SYNE1: variants seen among roughly 807,000 people sequenced by gnomAD.
SYNE1 encodes the protein spectrin repeat containing nuclear envelope protein 1.
A neutral mutation model predicts 1,111.0 loss-of-function variants in SYNE1; 616 were observed. The observed-to-expected ratio is 0.55, with a 90% confidence interval of 0.52 to 0.59. The LOEUF is 0.59. SYNE1 is among the 20% of genes least tolerant of loss of function. SYNE1 has a pLI of 0.00. For synonymous variants in SYNE1, 3,855 were observed against 3,825.8 expected, an observed-to-expected ratio of 1.01 and a Z score of -0.28; for missense variants, 10,006 against 10,417.0, an observed-to-expected ratio of 0.96 and a Z score of 1.72.
chr6:152,336,438 A>T, intron 76 of SYNE1: 1 of 217,472 alleles, frequency 4.6e-6, no homozygotes, highest in Non-Finnish European at 9.3e-6. Flanking sequence ...TTTTCCGTGA[A>T]TGGGGCTGGA....
intron 95 of SYNE1, among the ~76,000 whole-genome samples, chr6:152,284,929 A>C (rs185057814): frequency 5.3e-5 from 8 of 152,180 alleles, no homozygotes. Context: ...ATGTCGTCAC[A>C]CTACTCATTT....
intron 63 of SYNE1, among the ~76,000 whole-genome samples, chr6:152,364,482 A>G (rs1486344503): frequency 1.3e-5 from 2 of 151,596 alleles, no homozygotes; most frequent in Admixed American, 6.6e-5. Flanking sequence ...TATGTTAGCA[A>G]CAACAACAAA....
At chr6:152,184,631 T>TACAG (rs1554508083) in intron 128 of SYNE1, among the ~76,000 whole-genome samples, 1 of 142,916 alleles carries the variant, frequency 7.0e-6, no homozygotes, top group East Asian at 2.0e-4. Flanking sequence ...TATACACATA[T>TACAG]ATAGATAGAT....
In SYNE1 at chr6:152,230,483, T is replaced by C; in HGVS notation, c.21195+64A>G. On this transcript the variant is annotated intron_variant, in intron 115 of 145. Transcript: ENST00000367255. Reference sequence around the variant, plus strand: ...TTTAACTTGCAACTCTCAAGGCCTATAAACATATTAGCATACGCTATGAAA... The same window carrying C: ...TTTAACTTGCAACTCTCAAGGCCTACAAACATATTAGCATACGCTATGAAA... 9.2e-6 allele frequency: 14 copies of C among 1,520,420 alleles called. No homozygotes were observed. In the South Asian group the frequency reaches 1.3e-4, roughly 15 times the overall value. 94.2% of individuals were successfully genotyped at this position (1,520,420 alleles called of 1,614,324 possible). A position where few individuals can be genotyped will look rare whatever the true frequency, so the allele number is the denominator to read the frequency against.
intron 3 of SYNE1, among the ~76,000 whole-genome samples, chr6:152,604,302 T>C (rs2128693436): frequency 6.6e-6 from 1 of 152,042 alleles, no homozygotes; most frequent in East Asian, 1.9e-4. Context: ...AATTAAGCTT[T>C]ATTTATTTAT....
Position 152,362,209 on chromosome 6 carries a change from C to T in SYNE1, c.10260G>A (p.Ala3420=), listed in dbSNP as rs145287138. The stretch of plus-strand genomic sequence containing the variant: ...GCATCGTTGTTTTATCCCGCAGCTC[C>T]GCATGCTGCCTTTCTGATTCATTCA... ...ANLNESERQH[A]ELRDKTTMLG... The change falls in exon 64 of 146, where the codon GCG becomes GCA. Residue 3420 remains alanine (A), a synonymous_variant. Coordinates refer to ENST00000367255, the MANE Select transcript of SYNE1 (RefSeq NM_182961.4). 91 of 1,614,082 alleles carry T rather than the reference C, an allele frequency of 5.6e-5. 2 individuals carry two copies. In the South Asian group the frequency reaches 8.5e-4, roughly 15 times the overall value.
At chr6:152,247,744 TATATATACAC>T (rs1216580728) in intron 105 of SYNE1, among the ~76,000 whole-genome samples, 4 of 99,072 alleles carry the variant, frequency 4.0e-5, no homozygotes, top group African/African-American at 1.0e-4. Flanking sequence ...TATATATATA[TATATATACAC>T]ACACACACAC....
In SYNE1 at chr6:152,385,739, G is replaced by C; in HGVS notation, c.8587C>G (p.Leu2863Val). ...CCAGACATATCTGACCACCGGTGAA[G>C]TTCTTCCTTTGCTGAATGGAGCCAA... ...TDWLHSAKEE[L>V]HRWSDMSGDS... The change falls in exon 55 of 146, where the codon CTT becomes GTT. Residue 2863 changes from leucine to valine, a missense_variant. This residue lies in a region of SYNE1 where 4,955 missense variants were observed against 5,017.2 expected (regional missense o/e 0.99). Coordinates refer to ENST00000367255, the MANE Select transcript of SYNE1 (RefSeq NM_182961.4). The C allele has an allele frequency of 6.2e-7, 1 of 1,614,092 alleles. No individual in the cohort carries two copies. Among genetic ancestry groups the C allele is most frequent in the Non-Finnish European group, 8.5e-7 (1 of 1,179,992 alleles).
chr6:152,576,110 A>G (rs2099495491), intron 3 of SYNE1, among the ~76,000 whole-genome samples: 1 of 152,082 alleles, frequency 6.6e-6, no homozygotes, highest in South Asian at 2.1e-4. Flanking sequence ...ATAAGTACCA[A>G]CCCATCTTTC....
intron 130 of SYNE1, chr6:152,167,709 G>C (rs747457748): frequency 3.8e-6 from 2 of 522,378 alleles, no homozygotes; most frequent in Non-Finnish European, 7.9e-6. Flanking sequence ...CTACAAAGCT[G>C]TGAACCAGCT....
At chr6:152,164,383 T>C (rs983476370) in intron 130 of SYNE1, 58 bp from the exon 131 acceptor site, 26 of 1,599,352 alleles carry the variant, frequency 1.6e-5, no homozygotes, top group South Asian at 3.3e-5. Context: ...CATGTTTCTC[T>C]AGCGTGCAGA....
Position 152,122,791 on chromosome 6 carries a change from G to C in SYNE1, c.26154-115C>G, listed in dbSNP as rs2051767202. 7 of 1,529,980 alleles carry C rather than the reference G, an allele frequency of 4.6e-6. No homozygotes were observed. The African/African-American group carries it at 8.2e-5, about 18-fold the overall frequency. The allele number at this position is 1,529,980 out of a possible 1,614,324, so 94.8% of individuals were successfully genotyped here. A position where few individuals can be genotyped will look rare whatever the true frequency, so the allele number is the denominator to read the frequency against. On this transcript the variant is annotated intron_variant, in intron 145 of 145. Transcript: ENST00000367255. Reference sequence around the variant, plus strand: ...GGCCATGCCAAGCACACCCCAGCCTGGCGATCAGCTGCCAGCCTTCCACAG... The same window carrying C: ...GGCCATGCCAAGCACACCCCAGCCTCGCGATCAGCTGCCAGCCTTCCACAG...
chr6:152,283,003 T>C (rs1243964501), intron 96 of SYNE1, among the ~76,000 whole-genome samples: 2 of 152,216 alleles, frequency 1.3e-5, no homozygotes, highest in African/African-American at 2.4e-5. Flanking sequence ...GAACCCATTA[T>C]GTGCCAGAGA....
intron 14 of SYNE1, among the ~76,000 whole-genome samples, chr6:152,474,193 A>G (rs1043986444): frequency 4.6e-5 from 7 of 152,148 alleles, no homozygotes; most frequent in Non-Finnish European, 8.8e-5. Context: ...TCAAAAAAAA[A>G]AAAGAACTTC....
intron 3 of SYNE1, among the ~76,000 whole-genome samples, chr6:152,597,831 T>C (rs2099586105): frequency 6.6e-6 from 1 of 152,236 alleles, no homozygotes. Context: ...AATCTCCCTT[T>C]TTCTTTCGCT....
chr6:152,308,425 A>C (rs1161949246), intron 91 of SYNE1, 64 bp downstream of exon 91: 1 of 1,610,404 alleles, frequency 6.2e-7, no homozygotes, highest in Non-Finnish European at 8.5e-7. Context: ...TTCTCTAGAA[A>C]CCAAACATAT....
chr6:152,308,152 C>T (rs536765735), intron 91 of SYNE1, among the ~76,000 whole-genome samples: 5 of 152,104 alleles, frequency 3.3e-5, no homozygotes, highest in South Asian at 2.1e-4. Context: ...AAGCTTTAAG[C>T]GTTGCTGTTT....
At chr6:152,524,685 G>A (rs547701094) in intron 5 of SYNE1, among the ~76,000 whole-genome samples, 1 of 152,138 alleles carries the variant, frequency 6.6e-6, no homozygotes, top group Non-Finnish European at 1.5e-5. Flanking sequence ...GTGATCCCAG[G>A]TGGCAAGAAT....
intron 2 of SYNE1, among the ~76,000 whole-genome samples, chr6:152,636,100 T>A (rs566348731): frequency 1.3e-5 from 2 of 152,330 alleles, no homozygotes; most frequent in East Asian, 3.9e-4. Context: ...AAAGTTCTCT[T>A]GCCCTCTAGT....
Sources: gnomAD v4.1 joint callset for allele counts (sites outside exome capture counted in the v4.1 genomes callset) on GRCh38, gnomAD v4.1.1 for gene constraint, gnomAD v4.1.1 regional missense constraint, MANE v1.5 for transcripts, NCBI Gene and HGNC (gene_info 2026-07-23, HGNC 2026-07-21) for gene names.